The following BORCS5 variants were observed in gnomAD, a reference collection of about 807,000 sequenced individuals.
BORCS5 encodes the protein BLOC-1-related complex subunit 5.
BORCS5 carries 17 observed loss-of-function variants against 22.1 expected under a neutral mutation model. The observed-to-expected ratio is 0.77, with a 90% CI of 0.53 to 1.15. The LOEUF is 1.15. Ranked by LOEUF, BORCS5 falls within the 50% of genes most tolerant of loss-of-function variation. The pLI, the probability that BORCS5 is intolerant of heterozygous loss-of-function variation, is 0.00. For missense variants in BORCS5, 247 were observed against 253.2 expected (o/e 0.98, Z 0.17); for synonymous variants, 117 against 99.8 (o/e 1.17, Z -1.03).
At chr12:12,387,890 C>T (rs1303401152) in intron 2 of BORCS5, among the ~76,000 whole-genome samples, 1 of 151,410 alleles carries the variant, frequency 6.6e-6, no homozygotes, top group Non-Finnish European at 1.5e-5. Context: ...ACGATTAACA[C>T]ACCATGAGGG....
chr12:12,448,494 C>A (rs577315161), intron 3 of BORCS5, among the ~76,000 whole-genome samples: 2 of 150,584 alleles, frequency 1.3e-5, no homozygotes, highest in African/African-American at 2.4e-5. Flanking sequence ...GGATTACAGG[C>A]GTGAGTCACC....
At chr12:12,434,888 A>C (rs1283357277) in intron 2 of BORCS5, among the ~76,000 whole-genome samples, 1 of 152,262 alleles carries the variant, frequency 6.6e-6, no homozygotes, top group Non-Finnish European at 1.5e-5. Context: ...AGAAAGCAAT[A>C]GGCTTAATTT....
rs200863751 is a variant in BORCS5, at chr12:12,465,736, A to G, written c.551A>G (p.Glu184Gly). 1 of 1,613,972 alleles carries G rather than the reference A, an allele frequency of 6.2e-7. No homozygotes were observed. The highest frequency in any genetic ancestry group is 1.7e-5 in the Admixed American group (1 of 60,024). ...NSMLPEGERL[E>G]PFSMKPDREL... ...ATGCTGCCCGAGGGCGAGCGGCTGGAGCCCTTCAGCATGAAGCCCGACCGC... is the reference window on the plus strand; with the variant it reads ...ATGCTGCCCGAGGGCGAGCGGCTGGGGCCCTTCAGCATGAAGCCCGACCGC... Residue 184 changes from glutamate to glycine, a missense_variant, in exon 4 of 4, where the codon GAG (glutamate) becomes GGG (glycine). By Grantham distance (98) the Glu-to-Gly change is moderately conservative. Transcript: ENST00000314565.
At chr12:12,451,893 G>A (rs1225217857) in intron 3 of BORCS5, among the ~76,000 whole-genome samples, 1 of 149,062 alleles carries the variant, frequency 6.7e-6, no homozygotes, top group Non-Finnish European at 1.5e-5. Flanking sequence ...ACTCCAGCCT[G>A]GCGACAGAGC....
At chr12:12,446,118 CCT>C (rs1428144048) in intron 3 of BORCS5, among the ~76,000 whole-genome samples, 3 of 152,122 alleles carry the variant, frequency 2.0e-5, no homozygotes, top group Admixed American at 2.0e-4. Context: ...TGTGTCAGGC[CCT>C]GTTGTAGGTG....
chr12:12,390,006 G>A (rs1379385032), intron 2 of BORCS5, among the ~76,000 whole-genome samples: 1 of 151,984 alleles, frequency 6.6e-6, no homozygotes, highest in Non-Finnish European at 1.5e-5. Flanking sequence ...AGGCCAAATC[G>A]GACTGTTTTC....
At position 12,463,886 on chromosome 12, in the gene BORCS5, T is replaced by C. The variant is rs114757013; in HGVS notation, c.361-1660T>C. 1.9e-3 allele frequency among the ~76,000 whole-genome samples: 293 copies of C among 152,316 alleles called. 2 individuals carry two copies. The highest frequency in any genetic ancestry group is 6.8e-3 in the African/African-American group (281 of 41,572). The stretch of plus-strand genomic sequence containing the variant: ...TGGAGGCCATTTCAGATAGAAACTC[T>C]TCAAGCATCTATCTAGTCTGGTAGG... On this transcript the variant is annotated intron_variant, in intron 3 of 3. Transcript: ENST00000314565.
At chr12:12,449,047 T>A (rs1734892250) in intron 3 of BORCS5, among the ~76,000 whole-genome samples, 1 of 152,224 alleles carries the variant, frequency 6.6e-6, no homozygotes, top group Non-Finnish European at 1.5e-5. Context: ...CCGCCTACCT[T>A]GCAGGTAACT....
In BORCS5 at chr12:12,454,935, G is replaced by A. The variant is rs1181957382; in HGVS notation, c.361-10611G>A. 2.0e-5 allele frequency among the ~76,000 whole-genome samples: 3 copies of A among 152,146 alleles called. No homozygotes were observed. The East Asian group carries it at 5.8e-4, about 29-fold the overall frequency. On this transcript the variant is annotated intron_variant, in intron 3 of 3. Transcript: ENST00000314565. The stretch of plus-strand genomic sequence containing the variant: ...ACCAACTAGTAGAATTTAAATTCAG[G>A]CCTTCTGACTTACTTTGTTAATGGT...
At position 12,465,544 on chromosome 12, in the gene BORCS5, A is replaced by T; in HGVS notation, c.361-2A>T. Reference sequence around the variant, plus strand: ...TAATGTACTTCTCTTTCCCATCCACAGATGGATCTGTCTGTAGAAACTCTG... The same window carrying T: ...TAATGTACTTCTCTTTCCCATCCACTGATGGATCTGTCTGTAGAAACTCTG... On this transcript the variant is annotated splice_acceptor_variant, in intron 3 of 3. Coordinates refer to ENST00000314565, the MANE Select transcript of BORCS5 (RefSeq NM_058169.6). LOFTEE classifies it high-confidence loss of function. 1 of 1,613,830 alleles carries T rather than the reference A, an allele frequency of 6.2e-7. No individual in the cohort carries two copies. The highest frequency in any genetic ancestry group is 8.5e-7 in the Non-Finnish European group (1 of 1,179,686).
chr12:12,421,068 C>T (rs1942108763), intron 2 of BORCS5, among the ~76,000 whole-genome samples: 1 of 152,166 alleles, frequency 6.6e-6, no homozygotes. Context: ...TTGCCCTGGC[C>T]AGAACTTCCA....
At chr12:12,398,553 G>A (rs184222724) in intron 2 of BORCS5, among the ~76,000 whole-genome samples, 1 of 152,286 alleles carries the variant, frequency 6.6e-6, no homozygotes, top group East Asian at 1.9e-4. Flanking sequence ...GGAGGGTTGT[G>A]TAACCATCTT....
At chr12:12,414,648 C>A (rs1207338199) in intron 2 of BORCS5, among the ~76,000 whole-genome samples, 1 of 102,540 alleles carries the variant, frequency 9.8e-6, no homozygotes, top group Non-Finnish European at 2.1e-5. Context: ...GCAGAGGAGC[C>A]CCTCACCTCC....
intron 2 of BORCS5, among the ~76,000 whole-genome samples, chr12:12,419,080 A>G (rs1942046961): frequency 6.6e-6 from 1 of 152,012 alleles, no homozygotes; most frequent in African/African-American, 2.4e-5. Context: ...GTTCTAGGGT[A>G]CATGTGCACA....
intron 2 of BORCS5, among the ~76,000 whole-genome samples, chr12:12,383,547 G>T (rs1863818512): frequency 6.7e-6 from 1 of 149,826 alleles, no homozygotes; most frequent in South Asian, 2.1e-4. Context: ...AGTATTTAAT[G>T]TTACAAATTC....
chr12:12,425,299 A>G (rs1565900770), intron 2 of BORCS5, among the ~76,000 whole-genome samples: 1 of 152,196 alleles, frequency 6.6e-6, no homozygotes, highest in Non-Finnish European at 1.5e-5. Context: ...AGAGCTACAA[A>G]ATAGTTACAT....
chr12:12,380,784 T>A lies in BORCS5; in HGVS notation c.202+19435T>A. Among the ~76,000 whole-genome samples, 3 of 151,344 alleles carry A rather than the reference T, an allele frequency of 2.0e-5. 1 individual carries two copies. Among genetic ancestry groups the A allele is most frequent in the East Asian group, 1.9e-4 (1 of 5,200 alleles). ...TTCTGATTATAGCCATCAGAGTGGT[T>A]GTGTAGTGGTATCTCATTATGGTTT... On this transcript the variant is annotated intron_variant, in intron 2 of 3. Coordinates refer to ENST00000314565, the MANE Select transcript of BORCS5 (RefSeq NM_058169.6).
intron 2 of BORCS5, 121 bp downstream of exon 2, chr12:12,361,470 G>T: frequency 9.0e-7 from 1 of 1,112,580 alleles, no homozygotes. Flanking sequence ...TGCTTAAATG[G>T]CATCTTCTCA....
intron 2 of BORCS5, among the ~76,000 whole-genome samples, chr12:12,365,265 G>A (rs1863380429): frequency 6.6e-6 from 1 of 152,102 alleles, no homozygotes; most frequent in South Asian, 2.1e-4. Flanking sequence ...CACCTCCTGG[G>A]CTCAAGCGAT....
Sources: gnomAD v4.1 joint callset for allele counts (sites outside exome capture counted in the v4.1 genomes callset) on GRCh38, gnomAD v4.1.1 for gene constraint, MANE v1.5 for transcripts, NCBI Gene and HGNC (gene_info 2026-07-23, HGNC 2026-07-21) for gene names.